The following MLLT1 variants were observed in gnomAD, a reference collection of about 807,000 sequenced individuals.
MLLT1 encodes the protein protein ENL.
In MLLT1, 11 loss-of-function variants were observed where a neutral mutation model predicts 55.1. The ratio of observed to expected loss-of-function variants is 0.20; its 90% CI spans 0.13 to 0.33. The LOEUF (loss-of-function observed/expected upper bound fraction) is 0.33, where lower values mean the gene tolerates loss of function less well. MLLT1 is among the 10% of genes least tolerant of loss of function. MLLT1 has a pLI of 1.00. For missense variants in MLLT1, 536 were observed against 760.6 expected (o/e 0.70, Z 3.47); for synonymous variants, 323 against 320.1 (o/e 1.01, Z -0.10).
chr19:6,219,491 G>A lies in MLLT1; in HGVS notation c.1111-1450C>T, dbSNP rs576609560. On this transcript the variant is annotated intron_variant, in intron 6 of 11. Coordinates refer to ENST00000252674, the MANE Select transcript of MLLT1 (RefSeq NM_005934.4). This position sits in a 1 kb window ranked among gnomAD's most constrained non-coding sequence, Gnocchi z 4.5. Reference sequence around the variant, plus strand: ...AGGGGTGAGTAAGAGGTGACCGAGAGATGGCCTATTTAACCCCAGCCTTCT... The same window carrying A: ...AGGGGTGAGTAAGAGGTGACCGAGAAATGGCCTATTTAACCCCAGCCTTCT... Among the ~76,000 whole-genome samples the A allele has an allele frequency of 9.2e-5, 14 of 152,320 alleles. No homozygotes were observed. The South Asian group carries it at 2.7e-3, about 29-fold the overall frequency.
intron 2 of MLLT1, among the ~76,000 whole-genome samples, chr19:6,266,415 T>C (rs185586977): frequency 6.6e-6 from 1 of 152,196 alleles, no homozygotes; most frequent in East Asian, 1.9e-4. Flanking sequence ...TCAAACATGC[T>C]AGGACTCAAA....
chr19:6,232,699 G>A (rs537424517), intron 3 of MLLT1, among the ~76,000 whole-genome samples: 1 of 152,200 alleles, frequency 6.6e-6, no homozygotes, highest in African/African-American at 2.4e-5. Context: ...GTACCTTGGC[G>A]GGTGGGAAGT....
In MLLT1 at chr19:6,210,415, T is replaced by A; in HGVS notation, c.*2627A>T. The A allele has an allele frequency of 5.4e-6, 1 of 185,470 alleles. No homozygotes were observed. The highest frequency in any genetic ancestry group is 1.1e-5 in the Non-Finnish European group (1 of 87,332). The allele number at this position is 185,470 out of a possible 1,614,324, so 11.5% of individuals were successfully genotyped here. On this transcript the variant is annotated 3_prime_UTR_variant, in exon 12 of 12. Transcript: ENST00000252674. This position sits in a 1 kb window ranked among gnomAD's most constrained non-coding sequence, Gnocchi z 4.6. ...ATCTGACTTTATTTCACTTTTTTTT[T>A]CTATAAAACTCCTCCATAATTTCAC...
chr19:6,254,129 CCT>C (rs1332121592), intron 3 of MLLT1, among the ~76,000 whole-genome samples: 1 of 152,202 alleles, frequency 6.6e-6, no homozygotes, highest in Non-Finnish European at 1.5e-5. Context: ...AGCCCCACCC[CCT>C]GACCTCTTAG....
Position 6,218,051 on chromosome 19 carries a change from A to C in MLLT1, c.1111-10T>G. The C allele has an allele frequency of 6.2e-7, 1 of 1,601,738 alleles. No individual in the cohort carries two copies. The highest frequency in any genetic ancestry group is 8.5e-7 in the Non-Finnish European group (1 of 1,174,128). On this transcript the variant is annotated splice_polypyrimidine_tract_variant and intron_variant, in intron 6 of 11. Transcript: ENST00000252674. ...GGCTTGACTGGGCAGACTTCACCCAATGGTGGGATGGGCAGGGAGGGGAGA... is the reference window on the plus strand; with the variant it reads ...GGCTTGACTGGGCAGACTTCACCCACTGGTGGGATGGGCAGGGAGGGGAGA...
At chr19:6,215,040 C>T (rs921137666) in intron 8 of MLLT1, among the ~76,000 whole-genome samples, 1 of 152,212 alleles carries the variant, frequency 6.6e-6, no homozygotes, top group South Asian at 2.1e-4. Flanking sequence ...GTGCTCCTGC[C>T]GGCCTCTGCC....
In MLLT1 at chr19:6,211,081, G is replaced by C. The variant is rs996638210; in HGVS notation, c.*1961C>G. 1 of 232,316 alleles carries C rather than the reference G, an allele frequency of 4.3e-6. No individual in the cohort carries two copies. The highest frequency in any genetic ancestry group is 2.2e-5 in the African/African-American group (1 of 45,274). 14.4% of individuals were successfully genotyped at this position (232,316 alleles called of 1,614,324 possible). Reference sequence around the variant, plus strand: ...TGGGGGACTCCTGCGAAGGAGAAAGGCCAGCACCCTGGGCTGAGGTTCCTG... The same window carrying C: ...TGGGGGACTCCTGCGAAGGAGAAAGCCCAGCACCCTGGGCTGAGGTTCCTG... On this transcript the variant is annotated 3_prime_UTR_variant, in exon 12 of 12. Transcript: ENST00000252674. The surrounding 1 kb of genome is among the most constrained non-coding windows in gnomAD (Gnocchi z 4.6).
chr19:6,218,062 G>C, intron 6 of MLLT1, 21 bp from the exon 7 acceptor site: 1 of 1,592,932 alleles, frequency 6.3e-7, no homozygotes, highest in South Asian at 1.1e-5. Context: ...TGGTGGGATG[G>C]GCAGGGAGGG....
At position 6,211,768 on chromosome 19, in the gene MLLT1, C is replaced by T. The variant is rs2090774632; in HGVS notation, c.*1274G>A. The T allele has an allele frequency of 1.9e-6, 2 of 1,064,654 alleles. No individual in the cohort carries two copies. Among genetic ancestry groups the T allele is most frequent in the Non-Finnish European group, 2.3e-6 (2 of 878,822 alleles). 66.0% of individuals were successfully genotyped at this position (1,064,654 alleles called of 1,614,324 possible). ...GGGACCCCCAGCCACGATGGGCTGGCTCCGCGGGAGCGTCCTGGCCCTGGA... is the reference window on the plus strand; with the variant it reads ...GGGACCCCCAGCCACGATGGGCTGGTTCCGCGGGAGCGTCCTGGCCCTGGA... On this transcript the variant is annotated 3_prime_UTR_variant, in exon 12 of 12. Transcript: ENST00000252674. The surrounding 1 kb of genome is among the most constrained non-coding windows in gnomAD (Gnocchi z 4.6).
intron 3 of MLLT1, among the ~76,000 whole-genome samples, chr19:6,252,070 G>A (rs940174040): frequency 6.6e-6 from 1 of 152,144 alleles, no homozygotes; most frequent in African/African-American, 2.4e-5. Flanking sequence ...GGGAAGACTC[G>A]CCCTCAGTGT....
chr19:6,243,257 C>T (rs923114901), intron 3 of MLLT1, among the ~76,000 whole-genome samples: 18 of 152,210 alleles, frequency 1.2e-4, no homozygotes, highest in African/African-American at 3.1e-4. Context: ...CGGGAAGGCT[C>T]GGGGAGGCCG....
intron 3 of MLLT1, among the ~76,000 whole-genome samples, chr19:6,248,640 A>G (rs574504678): frequency 2.6e-5 from 4 of 152,368 alleles, no homozygotes; most frequent in Non-Finnish European, 4.4e-5. Context: ...CATTTCAAAG[A>G]TATCAAGGTC....
At chr19:6,217,658 A>G (rs115185572) in intron 7 of MLLT1, among the ~76,000 whole-genome samples, 2,404 of 152,216 alleles carry the variant, frequency 0.016, 78 homozygotes, top group African/African-American at 0.055. Context: ...GCACAGGGAG[A>G]GTTCTGGCCA....
rs1046649894 is a variant in MLLT1 at position 6,227,670 on chromosome 19, G to C, written c.421-568C>G. ...CAAGGCAGACGACCTGTGCCTACTGGGGGGGTCTCTCTGCAAAGCAGGCCC... is the reference window on the plus strand; with the variant it reads ...CAAGGCAGACGACCTGTGCCTACTGCGGGGGTCTCTCTGCAAAGCAGGCCC... On this transcript the variant is annotated intron_variant, in intron 4 of 11. Transcript: ENST00000252674. The surrounding 1 kb of genome is among the most constrained non-coding windows in gnomAD (Gnocchi z 5.1). 2.0e-5 allele frequency among the ~76,000 whole-genome samples: 3 copies of C among 152,180 alleles called. No individual in the cohort carries two copies. Among genetic ancestry groups the C allele is most frequent in the African/African-American group, 2.4e-5 (1 of 41,458 alleles).
Position 6,231,619 on chromosome 19 carries a change from A to C in MLLT1, c.277-906T>G, listed in dbSNP as rs558404380. 1.3e-5 allele frequency among the ~76,000 whole-genome samples: 2 copies of C among 151,770 alleles called. No individual in the cohort carries two copies. Among genetic ancestry groups the C allele is most frequent in the Admixed American group, 1.3e-4 (2 of 15,254 alleles). On this transcript the variant is annotated intron_variant, in intron 3 of 11. Coordinates refer to ENST00000252674, the MANE Select transcript of MLLT1 (RefSeq NM_005934.4). This position sits in a 1 kb window ranked among gnomAD's most constrained non-coding sequence, Gnocchi z 5.1. ...CTCCACCTCCCTGGTTCATGCCTGGAGCCTCCCAAGCAGCTGGGACTACAG... is the reference window on the plus strand; with the variant it reads ...CTCCACCTCCCTGGTTCATGCCTGGCGCCTCCCAAGCAGCTGGGACTACAG...
At position 6,270,538 on chromosome 19, in the gene MLLT1, T is replaced by C. The variant is rs764036496; in HGVS notation, c.193+41A>G. On this transcript the variant is annotated intron_variant, in intron 2 of 11. Transcript: ENST00000252674. The surrounding 1 kb of genome is among the most constrained non-coding windows in gnomAD (Gnocchi z 7.1). ...TGGCCTTGGGAGGAGTGAAGACAGA[T>C]GGGTCCGTGCTGTGGGCACTCAGGG... 2 of 1,570,416 alleles carry C rather than the reference T, an allele frequency of 1.3e-6. No individual in the cohort carries two copies. Among genetic ancestry groups the C allele is most frequent in the Non-Finnish European group, 1.7e-6 (2 of 1,156,904 alleles).
chr19:6,247,438 G>A (rs994537565), intron 3 of MLLT1, among the ~76,000 whole-genome samples: 1 of 152,112 alleles, frequency 6.6e-6, no homozygotes, highest in East Asian at 1.9e-4. Context: ...GCCCGAATGC[G>A]AGAACAATTT....
At position 6,235,146 on chromosome 19, in the gene MLLT1, G is replaced by C. The variant is rs2144886503; in HGVS notation, c.277-4433C>G. Among the ~76,000 whole-genome samples the C allele has an allele frequency of 6.6e-6, 1 of 152,336 alleles. No individual in the cohort carries two copies. Among genetic ancestry groups the C allele is most frequent in the East Asian group, 1.9e-4 (1 of 5,180 alleles). On this transcript the variant is annotated intron_variant, in intron 3 of 11. Transcript: ENST00000252674. This position sits in a 1 kb window ranked among gnomAD's most constrained non-coding sequence, Gnocchi z 5.5. Reference sequence around the variant, plus strand: ...GGCTGGAACGGGCTTGGCTGTGCAGGGACCACCTTTGGGTGGGTGACGGCT... The same window carrying C: ...GGCTGGAACGGGCTTGGCTGTGCAGCGACCACCTTTGGGTGGGTGACGGCT...
At chr19:6,232,022 G>A (rs1015132027) in intron 3 of MLLT1, among the ~76,000 whole-genome samples, 1 of 152,098 alleles carries the variant, frequency 6.6e-6, no homozygotes, top group Admixed American at 6.5e-5. Context: ...GATCACTTGA[G>A]GTCAGGAGTT....
Sources: gnomAD v4.1 joint callset for allele counts (sites outside exome capture counted in the v4.1 genomes callset) on GRCh38, gnomAD v4.1.1 for gene constraint, Gnocchi (gnomAD v3.1) non-coding constraint, MANE v1.5 for transcripts, NCBI Gene and HGNC (gene_info 2026-07-23, HGNC 2026-07-21) for gene names.